Variants in KDF1 observed in about 807,000 individuals in gnomAD.
The protein encoded by KDF1 is keratinocyte differentiation factor 1.
In KDF1, 11 loss-of-function variants were observed where a neutral mutation model predicts 31.6. That is an observed-to-expected ratio of 0.35 (90% confidence interval 0.22 to 0.58). KDF1 has a LOEUF of 0.58. Ranked by LOEUF, KDF1 falls within the 20% of genes least tolerant of loss-of-function variation. The pLI, the probability that KDF1 is intolerant of heterozygous loss-of-function variation, is 0.83. For synonymous variants in KDF1, 205 were observed against 214.4 expected (o/e 0.96, Z 0.38); for missense variants, 476 against 549.1 (o/e 0.87, Z 1.33).
intron 1 of KDF1, among the ~76,000 whole-genome samples, chr1:26,955,746 G>C (rs929083678): frequency 2.0e-5 from 3 of 152,184 alleles, no homozygotes; most frequent in Non-Finnish European, 2.9e-5. Flanking sequence ...CACGAGGTCA[G>C]GATTTCGAGA....
intron 1 of KDF1, among the ~76,000 whole-genome samples, chr1:26,954,139 G>A (rs2124160815): frequency 6.6e-6 from 1 of 152,128 alleles, no homozygotes; most frequent in Non-Finnish European, 1.5e-5. Flanking sequence ...GTCTGGAGAT[G>A]GATGGTGGCA....
At chr1:26,957,001 A>G (rs941768421) in intron 1 of KDF1, among the ~76,000 whole-genome samples, 9 of 152,202 alleles carry the variant, frequency 5.9e-5, no homozygotes, top group Non-Finnish European at 1.2e-4. Flanking sequence ...ACCCTAGCTC[A>G]ATGAAGCCTC....
At position 26,950,756 on chromosome 1, in the gene KDF1, T is replaced by C; in HGVS notation, c.1040A>G (p.Glu347Gly). 1 of 1,614,024 alleles carries C rather than the reference T, an allele frequency of 6.2e-7. No homozygotes were observed. The highest frequency in any genetic ancestry group is 1.3e-5 in the African/African-American group (1 of 75,040). Residue 347 changes from glutamate to glycine, a missense_variant and splice_region_variant, in exon 3 of 4, where the codon GAG becomes GGG. Physicochemically the swap from Glu to Gly is moderately conservative, Grantham distance 98. Transcript: ENST00000320567. The surrounding 1 kb of genome is among the most constrained non-coding windows in gnomAD (Gnocchi z 4.0). ...CTCCTGGGAGATCTGCACTGTCAGC[T>C]CTAGGGAGGGAACGTGAGGCAAGCA... ...TMVGSGLSQD[E>G]LTVQISQETT... is the part of the protein sequence containing the mutation.
In KDF1 at chr1:26,952,085, A is replaced by G; in HGVS notation, c.296T>C (p.Leu99Pro). 6.2e-7 allele frequency: 1 copy of G among 1,613,326 alleles called. No individual in the cohort carries two copies. Among genetic ancestry groups the G allele is most frequent in the Non-Finnish European group, 8.5e-7 (1 of 1,179,906 alleles). ...AFCFRRCRDC[L>P]QRCGACVRGC... is the part of the protein sequence containing the mutation. The stretch of plus-strand genomic sequence containing the variant: ...CCGCACACAGGCTCCACAGCGCTGG[A>G]GGCAATCCCGGCAGCGGCGGAAGCA... Residue 99 changes from leucine to proline, a missense_variant, in exon 2 of 4, where the codon CTC becomes CCC. Physicochemically the swap from Leu to Pro is moderately conservative, Grantham distance 98. Transcript: ENST00000320567. The surrounding 1 kb of genome is among the most constrained non-coding windows in gnomAD (Gnocchi z 4.1).
chr1:26,955,627 C>T (rs2082374074), intron 1 of KDF1, among the ~76,000 whole-genome samples: 1 of 152,188 alleles, frequency 6.6e-6, no homozygotes, highest in African/African-American at 2.4e-5. Context: ...TGATGATTCA[C>T]ATATGGTTTT....
Position 26,950,749 on chromosome 1 carries a change from T to C in KDF1, c.1047A>G (p.Thr349=). Reference sequence around the variant, plus strand: ...CAGTCGTCTCCTGGGAGATCTGCACTGTCAGCTCTAGGGAGGGAACGTGAG... The same window carrying C: ...CAGTCGTCTCCTGGGAGATCTGCACCGTCAGCTCTAGGGAGGGAACGTGAG... ...VGSGLSQDEL[T]VQISQETTAD... is the part of the protein sequence containing the mutation. The change falls in exon 3 of 4, where the codon ACA becomes ACG. Residue 349 remains threonine, a synonymous_variant. Transcript: ENST00000320567. This position sits in a 1 kb window ranked among gnomAD's most constrained non-coding sequence, Gnocchi z 4.0. 4 of 1,613,306 alleles carry C rather than the reference T, an allele frequency of 2.5e-6. No individual in the cohort carries two copies. Among genetic ancestry groups the C allele is most frequent in the Non-Finnish European group, 3.4e-6 (4 of 1,179,368 alleles).
In KDF1 at chr1:26,950,634, T is replaced by A. The variant is rs750291170; in HGVS notation, c.1114+48A>T. ...GGGAGAGCAGCAGGTGAGGGGCCCC[T>A]AGGGTAGTCCCCCACCCTCCACACC... On this transcript the variant is annotated intron_variant, in intron 3 of 3. Coordinates refer to ENST00000320567, the MANE Select transcript of KDF1 (RefSeq NM_152365.3). This position sits in a 1 kb window ranked among gnomAD's most constrained non-coding sequence, Gnocchi z 4.0. The A allele has an allele frequency of 1.3e-6, 2 of 1,529,568 alleles. No individual in the cohort carries two copies. Among genetic ancestry groups the A allele is most frequent in the South Asian group, 2.2e-5 (2 of 89,270 alleles). The allele number at this position is 1,529,568 out of a possible 1,614,324, so 94.7% of individuals were successfully genotyped here.
At chr1:26,959,403 C>G (rs2082391028) in intron 1 of KDF1, among the ~76,000 whole-genome samples, 1 of 152,106 alleles carries the variant, frequency 6.6e-6, no homozygotes, top group East Asian at 1.9e-4. Context: ...AGGGGAGACT[C>G]CCTGTCCCTA....
At position 26,952,319 on chromosome 1, in the gene KDF1, CG is replaced by C; in HGVS notation, c.61del (p.Arg21GlyfsTer227). 1 of 1,529,502 alleles carries C rather than the reference CG, an allele frequency of 6.5e-7. No individual in the cohort carries two copies. Among genetic ancestry groups the C allele is most frequent in the Non-Finnish European group, 8.8e-7 (1 of 1,137,774 alleles). The allele number at this position is 1,529,502 out of a possible 1,614,324, so 94.7% of individuals were successfully genotyped here. A position where few individuals can be genotyped will look rare whatever the true frequency, so the allele number is the denominator to read the frequency against. On this transcript the variant is annotated frameshift_variant, in exon 2 of 4. Coordinates refer to ENST00000320567, the MANE Select transcript of KDF1 (RefSeq NM_152365.3). LOFTEE classifies it high-confidence loss of function. The surrounding 1 kb of genome is among the most constrained non-coding windows in gnomAD (Gnocchi z 4.1). The part of the protein sequence containing the change: ...SGPPRLGPWE[R>X]PTELCLETYD... ...TGTCTCCAGACATAGCTCTGTTGGC[CG>C]CTCCCACGGTCCCAAGCGTGGAGGC...
In KDF1 at chr1:26,950,631, C is replaced by T; in HGVS notation, c.1114+51G>A. The T allele has an allele frequency of 6.5e-7, 1 of 1,533,310 alleles. No individual in the cohort carries two copies. The highest frequency in any genetic ancestry group is 9.0e-7 in the Non-Finnish European group (1 of 1,108,342). 95.0% of individuals were successfully genotyped at this position (1,533,310 alleles called of 1,614,324 possible). On this transcript the variant is annotated intron_variant, in intron 3 of 3. Coordinates refer to ENST00000320567, the MANE Select transcript of KDF1 (RefSeq NM_152365.3). This position sits in a 1 kb window ranked among gnomAD's most constrained non-coding sequence, Gnocchi z 4.0. ...GCTGGGAGAGCAGCAGGTGAGGGGC[C>T]CCTAGGGTAGTCCCCCACCCTCCAC... is the stretch of plus-strand genomic sequence containing the variant.
Position 26,951,974 on chromosome 1 carries a change from G to C in KDF1, c.407C>G (p.Pro136Arg), listed in dbSNP as rs939725374. Residue 136 changes from proline to arginine, a missense_variant, in exon 2 of 4, where the codon CCC (proline) becomes CGC (arginine). By Grantham distance (103) the Pro-to-Arg change is moderately radical. Transcript: ENST00000320567. This position sits in a 1 kb window ranked among gnomAD's most constrained non-coding sequence, Gnocchi z 5.4. ...NWAKEHNGVP[P>R]SPDRAPPSRR... ...GCTGGGGGGTGCACGATCAGGGCTGGGGGGCACTCCATTGTGCTCCTTGGC... is the reference window on the plus strand; with the variant it reads ...GCTGGGGGGTGCACGATCAGGGCTGCGGGGCACTCCATTGTGCTCCTTGGC... The C allele has an allele frequency of 7.5e-6, 12 of 1,609,568 alleles. No individual in the cohort carries two copies. The highest frequency in any genetic ancestry group is 1.0e-5 in the Non-Finnish European group (12 of 1,176,960).
In KDF1 at chr1:26,951,038, G is replaced by A. The variant is rs1331080397; in HGVS notation, c.1040-282C>T. On this transcript the variant is annotated intron_variant, in intron 2 of 3. Transcript: ENST00000320567. This position sits in a 1 kb window ranked among gnomAD's most constrained non-coding sequence, Gnocchi z 5.4. ...GAAGCTACTCTGGCAGGAGACAGCA[G>A]AGGAGAGGAGCCTTTTGGGTAAACT... is the stretch of plus-strand genomic sequence containing the variant. Among the ~76,000 whole-genome samples the A allele has an allele frequency of 2.0e-5, 3 of 152,290 alleles. No homozygotes were observed. Among genetic ancestry groups the A allele is most frequent in the East Asian group, 3.9e-4 (2 of 5,186 alleles).
At chr1:26,953,516 A>G (rs889581621) in intron 1 of KDF1, among the ~76,000 whole-genome samples, 5 of 152,248 alleles carry the variant, frequency 3.3e-5, no homozygotes, top group Non-Finnish European at 7.3e-5. Context: ...CCCAGTGTCT[A>G]CCAATGGATG....
Position 26,951,753 on chromosome 1 carries a change from G to T in KDF1, c.628C>A (p.Pro210Thr), listed in dbSNP as rs1274898072. ...HSLPSTFASS[P>T]RGSEEYYSFH... ...GAATAGTACTCCTCGGAGCCACGAG[G>T]ACTACTGGCAAAGGTGCTGGGCAGG... Residue 210 changes from proline to threonine, a missense_variant, in exon 2 of 4, where the codon CCT becomes ACT. By Grantham distance (38) the Pro-to-Thr change is conservative (BLOSUM62 -1). Coordinates refer to ENST00000320567, the MANE Select transcript of KDF1 (RefSeq NM_152365.3). This position sits in a 1 kb window ranked among gnomAD's most constrained non-coding sequence, Gnocchi z 5.4. 6.2e-7 allele frequency: 1 copy of T among 1,614,000 alleles called. No individual in the cohort carries two copies. The highest frequency in any genetic ancestry group is 1.3e-5 in the African/African-American group (1 of 74,934).
intron 1 of KDF1, among the ~76,000 whole-genome samples, chr1:26,955,206 C>T (rs1435359023): frequency 1.3e-5 from 2 of 152,160 alleles, no homozygotes; most frequent in South Asian, 2.1e-4. Context: ...TCCTGGATCT[C>T]ACTTTCTGTG....
At position 26,951,681 on chromosome 1, in the gene KDF1, T is replaced by C; in HGVS notation, c.700A>G (p.Met234Val). The C allele has an allele frequency of 6.2e-7, 1 of 1,613,824 alleles. No homozygotes were observed. The highest frequency in any genetic ancestry group is 8.5e-7 in the Non-Finnish European group (1 of 1,180,028). Residue 234 changes from methionine to valine, a missense_variant, in exon 2 of 4, where the codon ATG becomes GTG. Physicochemically the swap from Met to Val is conservative, Grantham distance 21 (BLOSUM62 1). Around this residue, in one of 2 missense-constraint regions of KDF1, gnomAD observed 330 missense variants for 332.3 expected, o/e 0.99. Transcript: ENST00000320567. This position sits in a 1 kb window ranked among gnomAD's most constrained non-coding sequence, Gnocchi z 5.4. ...AGCACATCAATTTCTCGGCTCGACA[T>C]GGAGCCACTGCCCATCTCCGGCAGG... ...LDLPEMGSGS[M>V]SSREIDVLIF...
chr1:26,955,694 T>G (rs774943971), intron 1 of KDF1, among the ~76,000 whole-genome samples: 2 of 152,224 alleles, frequency 1.3e-5, no homozygotes, highest in Non-Finnish European at 1.5e-5. Flanking sequence ...CAGTGGCTCA[T>G]GCCGGTAATC....
intron 1 of KDF1, among the ~76,000 whole-genome samples, chr1:26,957,303 T>G (rs1327958742): frequency 3.9e-5 from 6 of 152,132 alleles, no homozygotes; most frequent in Non-Finnish European, 7.4e-5. Flanking sequence ...CAGCACTCCT[T>G]CTCCAGGGAC....
At chr1:26,956,171 TG>T (rs2082376554) in intron 1 of KDF1, among the ~76,000 whole-genome samples, 1 of 152,126 alleles carries the variant, frequency 6.6e-6, no homozygotes. Context: ...TTAATGGCAC[TG>T]GGGTCTTAAA....
Sources: allele counts gnomAD v4.1 joint callset (sites outside exome capture counted in the v4.1 genomes callset), GRCh38; gene constraint gnomAD v4.1.1; regional missense constraint gnomAD v4.1.1; non-coding constraint Gnocchi (gnomAD v3.1); transcripts MANE v1.5; gene names NCBI Gene and HGNC (gene_info 2026-07-23, HGNC 2026-07-21).